Variants in CUBN observed in about 807,000 individuals in gnomAD.
CUBN encodes the protein cubilin, also known as 460 kDa receptor.
CUBN carries 282 observed loss-of-function variants against 405.3 expected under a neutral mutation model. That is an observed-to-expected ratio of 0.70 (90% CI 0.63 to 0.77). The LOEUF is 0.77. CUBN is among the 30% of genes least tolerant of loss of function. CUBN has a pLI of 0.00. For synonymous variants in CUBN, 1,684 were observed against 1,617.0 expected, an observed-to-expected ratio of 1.04 and a Z score of -0.99; for missense variants, 4,514 against 4,475.2, an observed-to-expected ratio of 1.01 and a Z score of -0.25.
rs368914350 is a variant in CUBN at position 16,829,060 on chromosome 10, G to T, written c.10529-20C>A. The T allele has an allele frequency of 1.3e-6, 2 of 1,598,416 alleles. No homozygotes were observed. Among genetic ancestry groups the T allele is most frequent in the African/African-American group, 2.7e-5 (2 of 74,610 alleles). On this transcript the variant is annotated intron_variant, in intron 65 of 66. Transcript: ENST00000377833. ...CACATCCTGCAAGGAAAACAGGACA[G>T]GAAGTTTGATTCAACAGCATATAAG...
chr10:16,895,395 A>G (rs1347741954), intron 54 of CUBN, among the ~76,000 whole-genome samples: 1 of 152,022 alleles, frequency 6.6e-6, no homozygotes, highest in East Asian at 1.9e-4. Flanking sequence ...ATATATGTCA[A>G]TCAGATCCTA....
chr10:17,116,485 T>C (rs1034641326), intron 6 of CUBN, among the ~76,000 whole-genome samples: 2 of 152,154 alleles, frequency 1.3e-5, no homozygotes, highest in African/African-American at 4.8e-5. Flanking sequence ...TTGAGCAGAA[T>C]TGGCAAGAAA....
intron 40 of CUBN, among the ~76,000 whole-genome samples, chr10:16,932,482 C>T (rs1036545445): frequency 6.1e-5 from 9 of 148,720 alleles, no homozygotes; most frequent in African/African-American, 2.2e-4. Flanking sequence ...CACATAGCAA[C>T]ACCATGCCTG....
At chr10:16,855,663 A>G (rs1321434568) in intron 59 of CUBN, among the ~76,000 whole-genome samples, 2 of 152,246 alleles carry the variant, frequency 1.3e-5, no homozygotes, top group Non-Finnish European at 2.9e-5. Context: ...GTTAAGTAGC[A>G]CTGTCATGGT....
chr10:16,926,603 C>T (rs1842195128), intron 41 of CUBN, among the ~76,000 whole-genome samples: 1 of 151,982 alleles, frequency 6.6e-6, no homozygotes, highest in African/African-American at 2.4e-5. Flanking sequence ...AATCTAGATA[C>T]ATTGTGAGGG....
intron 13 of CUBN, among the ~76,000 whole-genome samples, chr10:17,101,591 T>C (rs1279708904): frequency 6.6e-6 from 1 of 152,224 alleles, no homozygotes; most frequent in Non-Finnish European, 1.5e-5. Flanking sequence ...ATTTTATCTA[T>C]TCAGACATAC....
At chr10:17,077,835 T>C (rs1835884483) in intron 17 of CUBN, among the ~76,000 whole-genome samples, 1 of 152,192 alleles carries the variant, frequency 6.6e-6, no homozygotes, top group African/African-American at 2.4e-5. Context: ...TTTACTTTGG[T>C]TATTATCCTT....
intron 60 of CUBN, among the ~76,000 whole-genome samples, chr10:16,847,481 A>T (rs377245378): frequency 2.2e-5 from 2 of 90,216 alleles, no homozygotes; most frequent in African/African-American, 8.7e-5. Flanking sequence ...GACTCCAACT[A>T]AAAAAAAAAA....
intron 54 of CUBN, among the ~76,000 whole-genome samples, chr10:16,896,092 G>A (rs573295758): frequency 6.6e-6 from 1 of 152,216 alleles, no homozygotes; most frequent in South Asian, 2.1e-4. Flanking sequence ...ATCCACATCT[G>A]ACCACTTGTG....
At chr10:16,901,911 A>ACACACCATATATAG (rs1564412977) in intron 51 of CUBN, among the ~76,000 whole-genome samples, 39 of 131,754 alleles carry the variant, frequency 3.0e-4, no homozygotes, top group South Asian at 4.7e-4. Context: ...ATATATATAT[A>ACACACCATATATAG]TATATATACA....
In CUBN at chr10:16,835,058, G is replaced by C; in HGVS notation, c.10318C>G (p.Leu3440Val). ...NHTISLFFHS[L>V]GIENSVECRN... Reference sequence around the variant, plus strand: ...CATTCAACTGAGTTCTCGATGCCAAGTGAATGAAAAAAGAGGGAAATGGTG... The same window carrying C: ...CATTCAACTGAGTTCTCGATGCCAACTGAATGAAAAAAGAGGGAAATGGTG... Residue 3440 changes from leucine to valine, a missense_variant, in exon 64 of 67, where the codon CTT becomes GTT. Coordinates refer to ENST00000377833, the MANE Select transcript of CUBN (RefSeq NM_001081.4). 1.9e-6 allele frequency: 3 copies of C among 1,614,156 alleles called. No homozygotes were observed. The highest frequency in any genetic ancestry group is 2.5e-6 in the Non-Finnish European group (3 of 1,180,010).
chr10:16,828,300 T>C (rs1838855240), intron 66 of CUBN, among the ~76,000 whole-genome samples: 1 of 152,150 alleles, frequency 6.6e-6, no homozygotes, highest in Non-Finnish European at 1.5e-5. Flanking sequence ...TTGTAACTCT[T>C]AATAGTAATT....
intron 54 of CUBN, among the ~76,000 whole-genome samples, chr10:16,891,991 A>C (rs564839295): frequency 1.3e-5 from 2 of 152,260 alleles, no homozygotes; most frequent in African/African-American, 4.8e-5. Flanking sequence ...CATTTTCTTC[A>C]CATGGAATGA....
At chr10:16,945,936 G>A (rs1048083343) in intron 36 of CUBN, among the ~76,000 whole-genome samples, 4 of 152,126 alleles carry the variant, frequency 2.6e-5, no homozygotes, top group African/African-American at 7.2e-5. Flanking sequence ...AACTTGAGAT[G>A]TTTGAACTTG....
At chr10:17,047,717 A>T in intron 22 of CUBN, 114 bp from the exon 23 acceptor site, 1 of 964,586 alleles carries the variant, frequency 1.0e-6, no homozygotes, top group East Asian at 2.6e-5. Context: ...TCAATAAGCC[A>T]TTCTGGAATG....
At chr10:16,961,321 C>T (rs1373669140) in intron 31 of CUBN, among the ~76,000 whole-genome samples, 1 of 152,216 alleles carries the variant, frequency 6.6e-6, no homozygotes, top group Admixed American at 6.5e-5. Context: ...CCACCTCAGC[C>T]TCCCAAAGTG....
At chr10:17,016,295 C>T (rs1410228397) in intron 28 of CUBN, among the ~76,000 whole-genome samples, 1 of 152,144 alleles carries the variant, frequency 6.6e-6, no homozygotes, top group African/African-American at 2.4e-5. Context: ...TTTACAACTC[C>T]AGTCCCCATA....
chr10:16,901,018 T>C (rs529091103), intron 52 of CUBN, among the ~76,000 whole-genome samples, 168 bp from the exon 53 acceptor site: 37 of 152,318 alleles, frequency 2.4e-4, no homozygotes, highest in African/African-American at 7.9e-4. Context: ...AAGGTTCTCT[T>C]GGAAATTTTG....
At chr10:16,934,604 T>C (rs573200858) in intron 39 of CUBN, among the ~76,000 whole-genome samples, 44 of 152,344 alleles carry the variant, frequency 2.9e-4, no homozygotes, top group Admixed American at 2.6e-3. Flanking sequence ...TGTGGGTCAT[T>C]AGTGCTGTTT....
Sources: allele counts gnomAD v4.1 joint callset (sites outside exome capture counted in the v4.1 genomes callset), GRCh38; gene constraint gnomAD v4.1.1; transcripts MANE v1.5; gene names NCBI Gene and HGNC (gene_info 2026-07-23, HGNC 2026-07-21).